AKAP7: variants seen among roughly 807,000 people sequenced by gnomAD.
AKAP7 encodes the protein A kinase (PRKA) anchor protein 7.
AKAP7 carries 39 observed loss-of-function variants against 39.5 expected under a neutral mutation model. That is an observed-to-expected ratio of 0.99 (90% CI 0.76 to 1.29). AKAP7 has a LOEUF of 1.29. Ranked by LOEUF, AKAP7 falls within the 50% of genes most tolerant of loss-of-function variation. AKAP7 has a pLI of 0.00. For missense variants in AKAP7, 414 were observed against 407.7 expected (o/e 1.02, Z -0.13); for synonymous variants, 140 against 139.1 (o/e 1.01, Z -0.05).
intron 7 of AKAP7, among the ~76,000 whole-genome samples, chr6:131,243,540 T>C (rs1275993585): frequency 6.6e-6 from 1 of 152,206 alleles, no homozygotes; most frequent in Admixed American, 6.5e-5. Flanking sequence ...GAGGATTCAC[T>C]TTCATTCTTC....
At chr6:131,145,642 T>C (rs1228817840) in intron 2 of AKAP7, among the ~76,000 whole-genome samples, 1 of 152,148 alleles carries the variant, frequency 6.6e-6, no homozygotes, top group Admixed American at 6.5e-5. Flanking sequence ...CTGCCAGTCT[T>C]AAGTAATCCT....
intron 7 of AKAP7, among the ~76,000 whole-genome samples, chr6:131,224,262 A>G (rs1187502712): frequency 2.0e-5 from 3 of 152,182 alleles, no homozygotes; most frequent in Non-Finnish European, 4.4e-5. Flanking sequence ...CCTATATTTT[A>G]TAACAATATT....
At chr6:131,241,635 A>ACGTATATATATATATGTGTGTG (rs1440702156) in intron 7 of AKAP7, among the ~76,000 whole-genome samples, 1 of 86,548 alleles carries the variant, frequency 1.2e-5, no homozygotes, top group African/African-American at 4.6e-5. Flanking sequence ...GTGTATATAT[A>ACGTATATATATATATGTGTGTG]TATGACAGTT....
chr6:131,169,403 G>T lies in AKAP7; in HGVS notation c.589+130G>T. On this transcript the variant is annotated intron_variant, in intron 5 of 7. Transcript: ENST00000431975. ...CTAGACTCAAGTATTTTTTAGGACTGTCCCAATCATAAGTCTGAAGGATTT... is the reference window on the plus strand; with the variant it reads ...CTAGACTCAAGTATTTTTTAGGACTTTCCCAATCATAAGTCTGAAGGATTT... The T allele has an allele frequency of 3.0e-6, 3 of 1,007,660 alleles. No homozygotes were observed. In the South Asian group the frequency reaches 4.4e-5, roughly 15 times the overall value. 62.4% of individuals were successfully genotyped at this position (1,007,660 alleles called of 1,614,324 possible). A position where few individuals can be genotyped will look rare whatever the true frequency, so the allele number is the denominator to read the frequency against.
chr6:131,126,539 C>G, the AKAP7 span, among the ~76,000 whole-genome samples: 1 of 152,184 alleles, frequency 6.6e-6, no homozygotes, highest in Non-Finnish European at 1.5e-5. Context: ...GGTTCAATCT[C>G]TAGAAAGTTC....
chr6:131,241,608 T>TATATATATAC (rs61296586), intron 7 of AKAP7, among the ~76,000 whole-genome samples: 1 of 139,716 alleles, frequency 7.2e-6, no homozygotes, highest in African/African-American at 2.8e-5. Flanking sequence ...TGTGTGTGTG[T>TATATATATAC]GTGTGTGTGT....
intron 6 of AKAP7, among the ~76,000 whole-genome samples, chr6:131,207,673 TCCTG>T (rs1808260102): frequency 6.6e-6 from 1 of 151,612 alleles, no homozygotes; most frequent in African/African-American, 2.4e-5. Context: ...GGTAGAGAAA[TCCTG>T]TCAATACCAA....
chr6:131,246,323 G>C (rs1013488548), intron 7 of AKAP7, among the ~76,000 whole-genome samples: 35 of 152,204 alleles, frequency 2.3e-4, no homozygotes, highest in African/African-American at 8.2e-4. Flanking sequence ...AAATATGATA[G>C]CAAATATAGG....
intron 7 of AKAP7, among the ~76,000 whole-genome samples, chr6:131,264,013 T>A (rs186949751): frequency 6.6e-5 from 10 of 152,318 alleles, no homozygotes; most frequent in Admixed American, 1.3e-4. Context: ...CTTGCTATTA[T>A]AATTTATGTT....
upstream of AKAP7, among the ~76,000 whole-genome samples, chr6:131,131,800 T>A (rs1032221464): frequency 6.6e-6 from 1 of 152,134 alleles, no homozygotes; most frequent in Admixed American, 6.5e-5. Context: ...TGACAGTTCC[T>A]ACTGATCTTG....
intron 6 of AKAP7, among the ~76,000 whole-genome samples, chr6:131,202,594 A>G (rs1411415500): frequency 8.0e-6 from 1 of 124,722 alleles, no homozygotes; most frequent in Non-Finnish European, 1.6e-5. Flanking sequence ...GGAACATCAC[A>G]CGCTGGGGAC....
chr6:131,204,364 A>C (rs1188334776), intron 6 of AKAP7, among the ~76,000 whole-genome samples: 1 of 152,220 alleles, frequency 6.6e-6, no homozygotes, highest in Non-Finnish European at 1.5e-5. Context: ...GGATTCTATA[A>C]CAGCATACAA....
chr6:131,256,536 A>G (rs1812866599), intron 7 of AKAP7, among the ~76,000 whole-genome samples: 1 of 152,210 alleles, frequency 6.6e-6, no homozygotes, highest in Admixed American at 6.5e-5. Context: ...CCCCCAGTAG[A>G]GCCATTGACT....
chr6:131,187,369 TA>T (rs1407532508), intron 5 of AKAP7, among the ~76,000 whole-genome samples: 2 of 152,136 alleles, frequency 1.3e-5, no homozygotes, highest in Non-Finnish European at 1.5e-5. Flanking sequence ...CTAAGTATTT[TA>T]AAATTTTTGT....
At chr6:131,257,244 G>T (rs766189219) in intron 7 of AKAP7, among the ~76,000 whole-genome samples, 3 of 151,556 alleles carry the variant, frequency 2.0e-5, no homozygotes, top group Non-Finnish European at 4.4e-5. Context: ...TTGAGCTTGG[G>T]CAACATGGCA....
intron 5 of AKAP7, among the ~76,000 whole-genome samples, chr6:131,173,994 GCCC>G (rs976761305): frequency 4.1e-4 from 63 of 152,138 alleles, no homozygotes; most frequent in African/African-American, 1.5e-3. Flanking sequence ...ATGAATATAA[GCCC>G]GAAGATGTTG....
At chr6:131,132,054 T>G (rs1394523094), upstream of AKAP7, among the ~76,000 whole-genome samples, 1 of 152,172 alleles carries the variant, frequency 6.6e-6, no homozygotes, top group Non-Finnish European at 1.5e-5. Context: ...GGGTCACAAC[T>G]GTAATCCCAG....
intron 6 of AKAP7, among the ~76,000 whole-genome samples, chr6:131,199,835 G>C (rs977257099): frequency 1.3e-5 from 2 of 152,130 alleles, no homozygotes; most frequent in Non-Finnish European, 2.9e-5. Context: ...TGCCTCACCT[G>C]CTTCATCCCC....
In AKAP7 at chr6:131,283,053, G is replaced by GTT. The variant is rs1005292017; in HGVS notation, c.*1329_*1330dup. On this transcript the variant is annotated 3_prime_UTR_variant, in exon 8 of 8. Coordinates refer to ENST00000431975, the MANE Select transcript of AKAP7 (RefSeq NM_016377.4). Reference sequence around the variant, plus strand: ...TGTTACTTTTAATGAGAATTTGAATGTTTATTGAACAATAGTACTTGAATG... The same window carrying GTT: ...TGTTACTTTTAATGAGAATTTGAATGTTTTTATTGAACAATAGTACTTGAATG... 1 of 153,680 alleles carries GTT rather than the reference G, an allele frequency of 6.5e-6. No homozygotes were observed. The highest frequency in any genetic ancestry group is 6.5e-5 in the Admixed American group (1 of 15,424). The allele number at this position is 153,680 out of a possible 1,614,324, so 9.5% of individuals were successfully genotyped here.
Sources: allele counts gnomAD v4.1 joint callset (sites outside exome capture counted in the v4.1 genomes callset), GRCh38; gene constraint gnomAD v4.1.1; transcripts MANE v1.5; gene names NCBI Gene and HGNC (gene_info 2026-07-23, HGNC 2026-07-21).